The following MYO19 variants were observed in gnomAD, a reference collection of about 807,000 sequenced individuals.
MYO19 encodes the protein unconventional myosin-XIX.
A neutral mutation model predicts 129.2 loss-of-function variants in MYO19; 132 were observed. The observed-to-expected ratio is 1.02, with a 90% confidence interval of 0.89 to 1.18. The LOEUF (loss-of-function observed/expected upper bound fraction) is 1.18. MYO19 is among the 50% of genes most tolerant of loss of function. The pLI, the probability that MYO19 is intolerant of heterozygous loss-of-function variation, is 0.00. For missense variants in MYO19, 1,210 were observed against 1,216.7 expected (o/e 0.99, Z 0.08); for synonymous variants, 531 against 477.2 (o/e 1.11, Z -1.47).
intron 11 of MYO19, chr17:36,512,800 GA>G: frequency 7.8e-7 from 1 of 1,284,036 alleles, no homozygotes; most frequent in Non-Finnish European, 1.0e-6. Flanking sequence ...AGGAAGATGA[GA>G]GGAGGTAGTC....
intron 2 of MYO19, among the ~76,000 whole-genome samples, chr17:36,541,804 C>T (rs1282865998): frequency 6.6e-6 from 1 of 152,116 alleles, no homozygotes; most frequent in African/African-American, 2.4e-5. Flanking sequence ...TTTTAAAGTA[C>T]ATAGGATAAT....
chr17:36,539,637 T>C (rs912208340), upstream of MYO19, among the ~76,000 whole-genome samples: 17 of 152,066 alleles, frequency 1.1e-4, no homozygotes, highest in African/African-American at 3.6e-4. Context: ...TTGGATGTTA[T>C]ATTATAGCTT....
chr17:36,538,805 G>A, upstream of MYO19: 1 of 553,304 alleles, frequency 1.8e-6, no homozygotes, highest in South Asian at 2.9e-5. Flanking sequence ...CCAGGCTGGA[G>A]TGTAGTGGTG....
intron 6 of MYO19, 33 bp from the exon 7 acceptor site, chr17:36,516,023 C>A (rs1446552493): frequency 6.3e-7 from 1 of 1,586,556 alleles, no homozygotes; most frequent in South Asian, 1.1e-5. Context: ...GGAGCTGTAT[C>A]TATGCTCCCG....
intron 11 of MYO19, chr17:36,513,086 T>C (rs1286813213): frequency 7.6e-7 from 1 of 1,308,842 alleles, no homozygotes; most frequent in Non-Finnish European, 9.8e-7. Flanking sequence ...AGCAGAGAAG[T>C]GTGAACATGA....
intron 6 of MYO19, among the ~76,000 whole-genome samples, chr17:36,522,489 C>T (rs187286153): frequency 4.1e-4 from 62 of 150,564 alleles, no homozygotes; most frequent in African/African-American, 1.2e-3. Flanking sequence ...CCAGCCTAGG[C>T]GACAGTGCGA....
chr17:36,507,605 T>G, intron 15 of MYO19, 93 bp from the exon 16 acceptor site: 1 of 1,395,696 alleles, frequency 7.2e-7, no homozygotes, highest in Non-Finnish European at 1.0e-6. Context: ...CACAGCGTAT[T>G]CCAGAACAGC....
intron 5 of MYO19, 96 bp downstream of exon 5, chr17:36,527,455 T>C: frequency 7.2e-7 from 1 of 1,383,492 alleles, no homozygotes; most frequent in Non-Finnish European, 9.7e-7. Context: ...ATGACCACAT[T>C]GCTGGTGAAT....
At position 36,528,093 on chromosome 17, in the gene MYO19, G is replaced by T. The variant is rs374062723; in HGVS notation, c.122C>A (p.Thr41Asn). 8 of 1,613,788 alleles carry T rather than the reference G, an allele frequency of 5.0e-6. No homozygotes were observed. The African/African-American group carries it at 1.1e-4, about 22-fold the overall frequency. Reference sequence around the variant, plus strand: ...CTCTAGTGTCACAGGATTCACCCTGGTGAGGTCATCCAGTTTGTACAGCAG... The same window carrying T: ...CTCTAGTGTCACAGGATTCACCCTGTTGAGGTCATCCAGTTTGTACAGCAG... ...EVLLYKLDDL[T>N]RVNPVTLETV... The change falls in exon 4 of 26, where the codon ACC becomes AAC. Residue 41 changes from threonine (T) to asparagine (N), a missense_variant. Transcript: ENST00000614623.
At chr17:36,532,035 G>T (rs1026324488) in intron 3 of MYO19, among the ~76,000 whole-genome samples, 2 of 152,030 alleles carry the variant, frequency 1.3e-5, no homozygotes, top group South Asian at 2.1e-4. Flanking sequence ...AGAGACATGG[G>T]GATCATGTAA....
chr17:36,499,654 C>CTTTTTCTTTTTTTTTTT (rs1260911885), intron 23 of MYO19: 1 of 73,092 alleles, frequency 1.4e-5, no homozygotes, highest in African/African-American at 6.0e-5. Context: ...TATTCTTTTT[C>CTTTTTCTTTTTTTTTTT]TTTTTGTTTC....
chr17:36,536,735 G>A (rs1273186641), upstream of MYO19, among the ~76,000 whole-genome samples: 7 of 151,906 alleles, frequency 4.6e-5, no homozygotes, highest in Non-Finnish European at 8.8e-5. Context: ...GGCTGGTCTC[G>A]AACTCCTGAC....
chr17:36,499,032 A>G (rs775563118), intron 24 of MYO19, 43 bp downstream of exon 24: 4 of 1,512,796 alleles, frequency 2.6e-6, no homozygotes, highest in South Asian at 1.2e-5. Context: ...CTGGTCCCCA[A>G]AATTGATCCA....
chr17:36,496,526 C>T lies in MYO19; in HGVS notation c.2758-120G>A, dbSNP rs902170171. On this transcript the variant is annotated intron_variant, in intron 25 of 25. Transcript: ENST00000614623. Reference sequence around the variant, plus strand: ...TATGGACAAGTACTAGTATTGGGGGCCACAGCAGGATTAAAATAGCATTAC... The same window carrying T: ...TATGGACAAGTACTAGTATTGGGGGTCACAGCAGGATTAAAATAGCATTAC... 1.2e-5 allele frequency: 11 copies of T among 883,944 alleles called. No individual in the cohort carries two copies. The African/African-American group carries it at 1.3e-4, about 11-fold the overall frequency. 54.8% of individuals were successfully genotyped at this position (883,944 alleles called of 1,614,324 possible). A position where few individuals can be genotyped will look rare whatever the true frequency, so the allele number is the denominator to read the frequency against.
upstream of MYO19, chr17:36,534,997 C>A (rs12452785): frequency 0.018 from 2,742 of 152,470 alleles, 77 homozygotes; most frequent in East Asian, 0.093. Context: ...ACTCGCGGCG[C>A]GGGGCGCGCA....
intron 6 of MYO19, among the ~76,000 whole-genome samples, chr17:36,520,133 C>T (rs868009507): frequency 6.6e-6 from 1 of 151,982 alleles, no homozygotes; most frequent in African/African-American, 2.4e-5. Context: ...TACCACCATG[C>T]CCTGCTAATT....
At chr17:36,543,483 C>G (rs922207112), upstream of MYO19, 1 of 152,218 alleles carries the variant, frequency 6.6e-6, no homozygotes, top group East Asian at 1.9e-4. Flanking sequence ...CGGGTAATGA[C>G]ACCTTCGGGA....
intron 24 of MYO19, 151 bp downstream of exon 24, chr17:36,498,924 C>T (rs2071247529): frequency 1.6e-6 from 1 of 644,990 alleles, no homozygotes; most frequent in Non-Finnish European, 2.8e-6. Context: ...ACTGTGCCCA[C>T]TGCATACATG....
intron 17 of MYO19, 88 bp downstream of exon 17, chr17:36,506,875 A>G: frequency 7.2e-7 from 1 of 1,395,862 alleles, no homozygotes; most frequent in Non-Finnish European, 9.5e-7. Flanking sequence ...GAGAGAAAGG[A>G]CTCACGATGG....
Sources: allele counts gnomAD v4.1 joint callset (sites outside exome capture counted in the v4.1 genomes callset), GRCh38; gene constraint gnomAD v4.1.1; transcripts MANE v1.5; gene names NCBI Gene and HGNC (gene_info 2026-07-23, HGNC 2026-07-21).